The following BMP2K variants were observed in gnomAD, a reference collection of about 807,000 sequenced individuals.
BMP2K encodes the protein BMP2 inducible kinase, also known as BMP-2-inducible protein kinase.
A neutral mutation model predicts 116.0 loss-of-function variants in BMP2K; 74 were observed. The ratio of observed to expected loss-of-function variants is 0.64; its 90% confidence interval spans 0.53 to 0.77. The LOEUF (loss-of-function observed/expected upper bound fraction) is 0.77, where lower values mean the gene tolerates loss of function less well. Among genes scored for constraint, BMP2K ranks in the 30% least tolerant of loss-of-function variants. The pLI is 0.00. For synonymous variants in BMP2K, 486 were observed against 502.5 expected, an observed-to-expected ratio of 0.97 and a Z score of 0.44; for missense variants, 1,365 against 1,403.6, an observed-to-expected ratio of 0.97 and a Z score of 0.44.
At chr4:78,810,940 A>G (rs1436461926) in intron 1 of BMP2K, among the ~76,000 whole-genome samples, 1 of 151,952 alleles carries the variant, frequency 6.6e-6, no homozygotes, top group Non-Finnish European at 1.5e-5. Flanking sequence ...GGAGGTTGTT[A>G]CTTTTCCATT....
intron 1 of BMP2K, among the ~76,000 whole-genome samples, chr4:78,797,131 C>A (rs1431909800): frequency 6.6e-6 from 1 of 152,124 alleles, no homozygotes; most frequent in Non-Finnish European, 1.5e-5. Context: ...GTCCTTAATA[C>A]AGTGCTTCTT....
Position 78,878,812 on chromosome 4 carries a change from G to A in BMP2K, c.1872G>A (p.Trp624Ter). 6.2e-7 allele frequency: 1 copy of A among 1,613,306 alleles called. No homozygotes were observed. Among genetic ancestry groups the A allele is most frequent in the South Asian group, 1.1e-5 (1 of 90,862 alleles). The change falls in exon 14 of 16, where the codon TGG (tryptophan) becomes TGA (stop). Residue 624 changes from tryptophan to a stop codon, truncating the protein, a stop_gained. Transcript: ENST00000502613. LOFTEE classifies it high-confidence loss of function. ...GCAATCCACCTGATATGTCAGGGTG[G>A]AATCCTTTTGGAGAGGATAATTTCT... Reference protein sequence around the residue: ...NISNPPDMSGWNPFGEDNFSK... With the variant: ...NISNPPDMSG
chr4:78,863,419 T>C (rs1455064975), intron 9 of BMP2K, among the ~76,000 whole-genome samples: 1 of 152,126 alleles, frequency 6.6e-6, no homozygotes, highest in Admixed American at 6.6e-5. Flanking sequence ...TTCTTTGCCT[T>C]CTTAAAAGGT....
intron 2 of BMP2K, among the ~76,000 whole-genome samples, chr4:78,832,738 T>G (rs1730270527): frequency 6.6e-6 from 1 of 152,022 alleles, no homozygotes; most frequent in African/African-American, 2.4e-5. Flanking sequence ...TTTTGAACAT[T>G]TTTTAGGGAG....
At chr4:78,884,456 A>G (rs957901992) in intron 14 of BMP2K, among the ~76,000 whole-genome samples, 3 of 152,244 alleles carry the variant, frequency 2.0e-5, no homozygotes, top group African/African-American at 7.2e-5. Flanking sequence ...CATTTTATAC[A>G]GGAATCCTAG....
chr4:78,904,419 A>G (rs907435296), intron 15 of BMP2K, among the ~76,000 whole-genome samples: 1 of 151,874 alleles, frequency 6.6e-6, no homozygotes, highest in African/African-American at 2.4e-5. Flanking sequence ...TCCTCTTGAC[A>G]CTTATTTCAG....
At chr4:78,840,396 G>A (rs2110019503) in intron 3 of BMP2K, among the ~76,000 whole-genome samples, 1 of 152,132 alleles carries the variant, frequency 6.6e-6, no homozygotes, top group South Asian at 2.1e-4. Flanking sequence ...CAAATGCCTG[G>A]GTTTATATCC....
intron 2 of BMP2K, among the ~76,000 whole-genome samples, chr4:78,830,474 C>T (rs1342231388): frequency 6.6e-6 from 1 of 152,178 alleles, no homozygotes; most frequent in African/African-American, 2.4e-5. Context: ...TTGCCCTTAA[C>T]AAGAGAGTTA....
rs749728323 is a variant in BMP2K at position 78,871,009 on chromosome 4, GCACCAC to G, written c.1478_1483del (p.His493_His494del). ...AGCAGCAGCAGCAGCAGCAGCAGCA[GCACCAC>G]CACCACCACCACCACCACCTACTTC... On this transcript the variant is annotated inframe_deletion, in exon 11 of 16. Coordinates refer to ENST00000502613, the MANE Select transcript of BMP2K (RefSeq NM_198892.2). The G allele has an allele frequency of 1.9e-5, 29 of 1,563,346 alleles. No homozygotes were observed. Among genetic ancestry groups the G allele is most frequent in the Admixed American group, 5.2e-5 (3 of 58,018 alleles).
intron 5 of BMP2K, among the ~76,000 whole-genome samples, chr4:78,846,799 A>G (rs1731026119): frequency 6.6e-6 from 1 of 151,638 alleles, no homozygotes. Context: ...AGTTTTTGAG[A>G]GGGTGGAAGT....
intron 1 of BMP2K, among the ~76,000 whole-genome samples, chr4:78,823,060 G>A (rs1163425813): frequency 4.6e-5 from 7 of 152,082 alleles, no homozygotes; most frequent in Non-Finnish European, 7.4e-5. Context: ...TCTCAAAGCA[G>A]ATACAATTAA....
At position 78,834,073 on chromosome 4, in the gene BMP2K, A is replaced by G. The variant is rs75771044; in HGVS notation, c.403+386A>G. On this transcript the variant is annotated intron_variant, in intron 3 of 15. Coordinates refer to ENST00000502613, the MANE Select transcript of BMP2K (RefSeq NM_198892.2). Reference sequence around the variant, plus strand: ...TTATTGTAAACATTAAATTTAACAAATTTGGAGGATGCATTTTGATCTATA... The same window carrying G: ...TTATTGTAAACATTAAATTTAACAAGTTTGGAGGATGCATTTTGATCTATA... Among the ~76,000 whole-genome samples the G allele has an allele frequency of 2.4e-3, 363 of 152,006 alleles. 4 individuals are homozygous for G. Among genetic ancestry groups the G allele is most frequent in the Admixed American group, 0.021 (316 of 15,270 alleles).
intron 14 of BMP2K, among the ~76,000 whole-genome samples, chr4:78,884,110 T>C (rs1386942572): frequency 6.6e-6 from 1 of 152,006 alleles, no homozygotes; most frequent in Non-Finnish European, 1.5e-5. Flanking sequence ...TTTGGGAGGA[T>C]TGCTTGAGTC....
At chr4:78,874,331 CATATT>C (rs978476222) in intron 13 of BMP2K, among the ~76,000 whole-genome samples, 22 of 151,984 alleles carry the variant, frequency 1.4e-4, no homozygotes, top group African/African-American at 4.8e-4. Flanking sequence ...AAAATTAAAA[CATATT>C]ATACATTTTA....
intron 1 of BMP2K, among the ~76,000 whole-genome samples, chr4:78,785,158 T>C (rs1332987972): frequency 6.6e-6 from 1 of 152,198 alleles, no homozygotes; most frequent in Non-Finnish European, 1.5e-5. Flanking sequence ...TTGCCCAGGC[T>C]GGAGTGCAGT....
intron 1 of BMP2K, 47 bp from the exon 2 acceptor site, chr4:78,825,990 C>T: frequency 7.4e-7 from 1 of 1,354,284 alleles, no homozygotes; most frequent in Non-Finnish European, 1.1e-6. Flanking sequence ...ATGATTTTGG[C>T]ATTTGTTTTT....
At position 78,882,528 on chromosome 4, in the gene BMP2K, A is replaced by C. The variant is rs151298918; in HGVS notation, c.1951+3637A>C. Among the ~76,000 whole-genome samples the C allele has an allele frequency of 2.7e-3, 412 of 151,992 alleles. 3 individuals carry two copies. Among genetic ancestry groups the C allele is most frequent in the African/African-American group, 9.4e-3 (391 of 41,554 alleles). On this transcript the variant is annotated intron_variant, in intron 14 of 15. Transcript: ENST00000502613. ...CTTTAGCAATTTGTCATAATATTTT[A>C]GTATTTTAATATTTAATATGACAAT...
At chr4:78,885,605 C>T (rs1270559702) in intron 14 of BMP2K, among the ~76,000 whole-genome samples, 1 of 152,206 alleles carries the variant, frequency 6.6e-6, no homozygotes, top group African/African-American at 2.4e-5. Context: ...CCCTACACTG[C>T]AGTCCCTTAG....
intron 1 of BMP2K, among the ~76,000 whole-genome samples, chr4:78,823,640 A>T (rs924653488): frequency 1.3e-5 from 2 of 148,810 alleles, no homozygotes; most frequent in African/African-American, 5.0e-5. Flanking sequence ...TTATATAGTT[A>T]TGTCTGTATA....
Sources: gnomAD v4.1 joint callset for allele counts (sites outside exome capture counted in the v4.1 genomes callset) on GRCh38, gnomAD v4.1.1 for gene constraint, MANE v1.5 for transcripts, NCBI Gene and HGNC (gene_info 2026-07-23, HGNC 2026-07-21) for gene names.